Variants in MACROH2A2 observed in about 807,000 individuals in gnomAD.
MACROH2A2 encodes macroH2A.2 histone, also known as core histone macro-H2A.2.
A neutral mutation model predicts 37.6 loss-of-function variants in MACROH2A2; 6 were observed. The observed-to-expected ratio is 0.16, with a 90% CI of 0.09 to 0.32. The LOEUF (loss-of-function observed/expected upper bound fraction) is 0.32. Ranked by LOEUF, MACROH2A2 falls within the 10% of genes least tolerant of loss-of-function variation. The pLI is 1.00. For synonymous variants in MACROH2A2, 192 were observed against 202.7 expected (o/e 0.95, Z 0.45); for missense variants, 290 against 485.9 (o/e 0.60, Z 3.79).
chr10:70,088,495 G>A (rs1414201203), intron 2 of MACROH2A2, among the ~76,000 whole-genome samples: 1 of 152,240 alleles, frequency 6.6e-6, no homozygotes, highest in Non-Finnish European at 1.5e-5. Flanking sequence ...CATATAGATA[G>A]TAGAAACCAA....
intron 1 of MACROH2A2, among the ~76,000 whole-genome samples, chr10:70,056,833 A>G (rs939933251): frequency 3.3e-5 from 5 of 152,082 alleles, no homozygotes; most frequent in African/African-American, 9.7e-5. Context: ...AACCCTCACA[A>G]TTTTTTTCAT....
intron 8 of MACROH2A2, among the ~76,000 whole-genome samples, chr10:70,109,658 C>T (rs1423882115): frequency 6.6e-6 from 1 of 152,222 alleles, no homozygotes; most frequent in Admixed American, 6.5e-5. Flanking sequence ...TGCAGAATCT[C>T]AGGCCCCCCA....
intron 2 of MACROH2A2, 60 bp from the exon 3 acceptor site, chr10:70,090,000 A>G (rs2072234316): frequency 9.6e-7 from 1 of 1,037,266 alleles, no homozygotes; most frequent in African/African-American, 1.6e-5. Context: ...ATTTCTAAAG[A>G]AAAGCTTTAG....
In MACROH2A2 at chr10:70,111,728, A is replaced by C; in HGVS notation, c.*45A>C. On this transcript the variant is annotated 3_prime_UTR_variant, in exon 9 of 9. Coordinates refer to ENST00000373255, the MANE Select transcript of MACROH2A2 (RefSeq NM_018649.3). ...GGATCGGAGGACGACCCGAGTCCCA[A>C]GAGTGGGGTTTTGCTTTTTAAAAGG... 6.7e-7 allele frequency: 1 copy of C among 1,501,908 alleles called. No individual in the cohort carries two copies. The highest frequency in any genetic ancestry group is 8.9e-7 in the Non-Finnish European group (1 of 1,119,282). 93.0% of individuals were successfully genotyped at this position (1,501,908 alleles called of 1,614,324 possible). A position where few individuals can be genotyped will look rare whatever the true frequency, so the allele number is the denominator to read the frequency against.
chr10:70,106,305 G>A (rs1319986790), intron 7 of MACROH2A2, among the ~76,000 whole-genome samples: 1 of 152,164 alleles, frequency 6.6e-6, no homozygotes, highest in East Asian at 1.9e-4. Flanking sequence ...AAATACCAGG[G>A]TCACAGCCCT....
At chr10:70,058,825 C>T (rs913506228) in intron 1 of MACROH2A2, among the ~76,000 whole-genome samples, 13 of 151,902 alleles carry the variant, frequency 8.6e-5, no homozygotes, top group African/African-American at 3.1e-4. Context: ...TTGCTCATCC[C>T]GAGTGGTAAA....
intron 1 of MACROH2A2, among the ~76,000 whole-genome samples, chr10:70,062,743 G>A (rs999740088): frequency 3.4e-4 from 51 of 152,074 alleles, no homozygotes; most frequent in African/African-American, 1.2e-3. Flanking sequence ...TCAAAGCCTC[G>A]TTGTAGAAGC....
chr10:70,097,126 G>A (rs1254557160), intron 6 of MACROH2A2, among the ~76,000 whole-genome samples: 1 of 152,172 alleles, frequency 6.6e-6, no homozygotes, highest in Non-Finnish European at 1.5e-5. Flanking sequence ...TCAGATCCCA[G>A]CAGTGGATTC....
At chr10:70,088,597 A>T (rs1384072323) in intron 2 of MACROH2A2, among the ~76,000 whole-genome samples, 2 of 152,260 alleles carry the variant, frequency 1.3e-5, no homozygotes, top group African/African-American at 4.8e-5. Context: ...CACATTGGCC[A>T]AGTGGCGTGT....
intron 5 of MACROH2A2, among the ~76,000 whole-genome samples, chr10:70,094,816 A>G (rs1259001629): frequency 6.6e-6 from 1 of 152,152 alleles, no homozygotes; most frequent in Admixed American, 6.5e-5. Context: ...TAGCCCCAAG[A>G]CTGTGGTCTC....
chr10:70,069,934 A>C (rs1306252097), intron 1 of MACROH2A2, among the ~76,000 whole-genome samples: 1 of 152,216 alleles, frequency 6.6e-6, no homozygotes, highest in Non-Finnish European at 1.5e-5. Flanking sequence ...AATCCAGCAC[A>C]GGCTTTGGGG....
intron 2 of MACROH2A2, among the ~76,000 whole-genome samples, chr10:70,086,999 T>C (rs981169277): frequency 6.6e-6 from 1 of 152,124 alleles, no homozygotes; most frequent in Non-Finnish European, 1.5e-5. Flanking sequence ...GAGACCAGCC[T>C]GGACAACAAA....
rs1271177154 is a variant in MACROH2A2 at position 70,053,964 on chromosome 10, G to T, written c.-60+964G>T. 6.6e-6 allele frequency among the ~76,000 whole-genome samples: 1 copy of T among 152,174 alleles called. No individual in the cohort carries two copies. The highest frequency in any genetic ancestry group is 2.4e-5 in the African/African-American group (1 of 41,454). On this transcript the variant is annotated intron_variant, in intron 1 of 8. Coordinates refer to ENST00000373255, the MANE Select transcript of MACROH2A2 (RefSeq NM_018649.3). This position sits in a 1 kb window ranked among gnomAD's most constrained non-coding sequence, Gnocchi z 4.8. ...TTGGGGACCAGCCCTGCCTCCCCCGGCTCCCAGCCTCCAGCCCCGGCGCAC... is the reference window on the plus strand; with the variant it reads ...TTGGGGACCAGCCCTGCCTCCCCCGTCTCCCAGCCTCCAGCCCCGGCGCAC...
intron 2 of MACROH2A2, among the ~76,000 whole-genome samples, chr10:70,076,207 G>A (rs753435797): frequency 2.8e-4 from 42 of 152,328 alleles, no homozygotes; most frequent in Non-Finnish European, 5.4e-4. Flanking sequence ...GTAAAAGGGA[G>A]TCTTTTTACA....
intron 1 of MACROH2A2, among the ~76,000 whole-genome samples, chr10:70,055,369 C>T (rs1471590384): frequency 6.6e-6 from 1 of 152,192 alleles, no homozygotes; most frequent in Non-Finnish European, 1.5e-5. Flanking sequence ...GGTTAGAGAT[C>T]ATTCAACAAA....
chr10:70,057,541 A>G (rs1169992147), intron 1 of MACROH2A2, among the ~76,000 whole-genome samples: 1 of 152,176 alleles, frequency 6.6e-6, no homozygotes, highest in African/African-American at 2.4e-5. Context: ...AAACAAAACT[A>G]TTTGCTGTCA....
At position 70,075,933 on chromosome 10, in the gene MACROH2A2, G is replaced by A. The variant is rs1358914200; in HGVS notation, c.172+103G>A. 5 of 923,002 alleles carry A rather than the reference G, an allele frequency of 5.4e-6. No homozygotes were observed. In the African/African-American group the frequency reaches 8.2e-5, roughly 15 times the overall value. The allele number at this position is 923,002 out of a possible 1,614,324, so 57.2% of individuals were successfully genotyped here. ...GGATGCTCCAAATTGCCTTTTGGCT[G>A]GCTCAAGGCTACTGTGGGTGGTGAC... On this transcript the variant is annotated intron_variant, in intron 2 of 8. Coordinates refer to ENST00000373255, the MANE Select transcript of MACROH2A2 (RefSeq NM_018649.3). This position sits in a 1 kb window ranked among gnomAD's most constrained non-coding sequence, Gnocchi z 5.0.
chr10:70,098,277 AGAG>A (rs1477536401), intron 6 of MACROH2A2: 10 of 132,878 alleles, frequency 7.5e-5, no homozygotes, highest in African/African-American at 2.6e-4. Context: ...AGAAAGAAAA[AGAG>A]AGAGAGAGAG....
chr10:70,067,267 T>C (rs1383638716), intron 1 of MACROH2A2, among the ~76,000 whole-genome samples: 1 of 152,208 alleles, frequency 6.6e-6, no homozygotes, highest in African/African-American at 2.4e-5. Flanking sequence ...AGAACATAAC[T>C]ACCCCACATA....
Sources: allele counts gnomAD v4.1 joint callset (sites outside exome capture counted in the v4.1 genomes callset), GRCh38; gene constraint gnomAD v4.1.1; non-coding constraint Gnocchi (gnomAD v3.1); transcripts MANE v1.5; gene names NCBI Gene and HGNC (gene_info 2026-07-23, HGNC 2026-07-21).